PNPLA7: variants seen among roughly 807,000 people sequenced by gnomAD.
The protein encoded by PNPLA7 is patatin like domain 7, lysophospholipase.
A neutral mutation model predicts 161.7 loss-of-function variants in PNPLA7; 153 were observed. The observed-to-expected ratio is 0.95, with a 90% CI of 0.83 to 1.08. The LOEUF is 1.08. Ranked by LOEUF, PNPLA7 falls within the 50% of genes least tolerant of loss-of-function variation. The pLI is 0.00. For missense variants in PNPLA7, 1,739 were observed against 1,856.6 expected (o/e 0.94, Z 1.16); for synonymous variants, 809 against 782.1 (o/e 1.03, Z -0.57).
intron 20 of PNPLA7, among the ~76,000 whole-genome samples, chr9:137,485,420 T>C (rs909748970): frequency 2.0e-5 from 3 of 151,580 alleles, no homozygotes; most frequent in African/African-American, 7.3e-5. Context: ...TGAGGCCTCA[T>C]CGGAGTAAAC....
intron 14 of PNPLA7, among the ~76,000 whole-genome samples, chr9:137,504,641 G>T (rs1043565667): frequency 6.6e-6 from 1 of 152,196 alleles, no homozygotes; most frequent in Non-Finnish European, 1.5e-5. Flanking sequence ...CACGCTGGGT[G>T]GGTGAGCAAT....
At chr9:137,535,040 A>G (rs1835811968) in intron 8 of PNPLA7, among the ~76,000 whole-genome samples, 1 of 152,268 alleles carries the variant, frequency 6.6e-6, no homozygotes, top group African/African-American at 2.4e-5. Flanking sequence ...GAGTAGCTGC[A>G]AGAGAGACCA....
At chr9:137,545,870 A>G (rs183112324) in intron 4 of PNPLA7, among the ~76,000 whole-genome samples, 86 of 150,718 alleles carry the variant, frequency 5.7e-4, no homozygotes, top group East Asian at 3.1e-3. Context: ...GCGGACCGTG[A>G]TCTAGCGGTA....
chr9:137,514,576 C>T (rs376516773), intron 12 of PNPLA7, among the ~76,000 whole-genome samples: 162 of 64,994 alleles, frequency 2.5e-3, no homozygotes, highest in Middle Eastern at 0.018. Flanking sequence ...GCCCTGTGGC[C>T]GGGCTGTGGG....
rs1198520597 is a variant in PNPLA7 at position 137,515,378 on chromosome 9, C to T, written c.1225+1G>A. 2 of 1,600,964 alleles carry T rather than the reference C, an allele frequency of 1.2e-6. No individual in the cohort carries two copies. The highest frequency in any genetic ancestry group is 1.7e-6 in the Non-Finnish European group (2 of 1,174,972). Reference sequence around the variant, plus strand: ...GCTGGGCAGCCGTCGAGGTTCTTTACCTTGTGGGGCCGAAGGGTCAGGGTC... The same window carrying T: ...GCTGGGCAGCCGTCGAGGTTCTTTATCTTGTGGGGCCGAAGGGTCAGGGTC... On this transcript the variant is annotated splice_donor_variant, in intron 12 of 34. Coordinates refer to ENST00000406427, the MANE Select transcript of PNPLA7 (RefSeq NM_001098537.3). LOFTEE classifies it high-confidence loss of function.
rs1412244171 is a variant in PNPLA7 at position 137,546,887 on chromosome 9, C to T, written c.216G>A (p.Gln72=). ...RQFRQAQPTP[Q]YRFRKRDKVM... Reference sequence around the variant, plus strand: ...CTTTGTCTCTCTTCCGGAACCGGTACTGAGGAGTGGGCTGTGCTTGTCCTG... The same window carrying T: ...CTTTGTCTCTCTTCCGGAACCGGTATTGAGGAGTGGGCTGTGCTTGTCCTG... Residue 72 remains glutamine, a synonymous_variant, in exon 4 of 35, where the codon CAG becomes CAA. Transcript: ENST00000406427. The T allele has an allele frequency of 1.2e-6, 2 of 1,613,824 alleles. No homozygotes were observed. The highest frequency in any genetic ancestry group is 1.7e-6 in the Non-Finnish European group (2 of 1,180,006).
intron 26 of PNPLA7, among the ~76,000 whole-genome samples, chr9:137,465,238 G>C (rs967651447): frequency 7.2e-5 from 11 of 152,184 alleles, no homozygotes; most frequent in African/African-American, 2.4e-4. Context: ...CCCCTGCCCA[G>C]TACCAGAGGG....
chr9:137,461,212 C>A, intron 33 of PNPLA7: 1 of 363,548 alleles, frequency 2.8e-6, no homozygotes, highest in Non-Finnish European at 5.1e-6. Flanking sequence ...TGCGGCCCCT[C>A]CAACAAGCAG....
intron 8 of PNPLA7, among the ~76,000 whole-genome samples, chr9:137,533,573 C>A: frequency 6.8e-6 from 1 of 147,522 alleles, no homozygotes; most frequent in East Asian, 2.1e-4. Flanking sequence ...CCACTCCAGG[C>A]GGGAGGACTC....
chr9:137,468,062 G>C lies in PNPLA7; in HGVS notation c.2883-589C>G, dbSNP rs1328374164. On this transcript the variant is annotated intron_variant, in intron 25 of 34. Coordinates refer to ENST00000406427, the MANE Select transcript of PNPLA7 (RefSeq NM_001098537.3). This position sits in a 1 kb window ranked among gnomAD's most constrained non-coding sequence, Gnocchi z 4.0. The stretch of plus-strand genomic sequence containing the variant: ...GCCTCCAGCAGGGCGTCTGAGAGGT[G>C]GTGGGAAAACTGGACTTGAGGGGCC... Among the ~76,000 whole-genome samples the C allele has an allele frequency of 6.6e-6, 1 of 152,052 alleles. No individual in the cohort carries two copies. Among genetic ancestry groups the C allele is most frequent in the Non-Finnish European group, 1.5e-5 (1 of 67,994 alleles).
intron 11 of PNPLA7, among the ~76,000 whole-genome samples, chr9:137,519,424 G>A (rs2243651): frequency 9.2e-5 from 14 of 152,204 alleles, no homozygotes; most frequent in African/African-American, 3.4e-4. Context: ...AGAATTCTGG[G>A]AACAACTGAA....
chr9:137,484,778 G>A (rs377293279), intron 20 of PNPLA7, 42 bp from the exon 21 acceptor site: 16 of 1,540,790 alleles, frequency 1.0e-5, no homozygotes, highest in African/African-American at 8.2e-5. Flanking sequence ...CAGCCCACAC[G>A]CTCACAGATG....
intron 17 of PNPLA7, 137 bp downstream of exon 17, chr9:137,497,977 G>T: frequency 7.3e-7 from 1 of 1,376,326 alleles, no homozygotes; most frequent in South Asian, 1.4e-5. Context: ...GGTGGGGCTG[G>T]GGAAATCCAG....
At position 137,490,648 on chromosome 9, in the gene PNPLA7, C is replaced by T. The variant is rs1212493840; in HGVS notation, c.2197+2365G>A. 6.6e-6 allele frequency among the ~76,000 whole-genome samples: 1 copy of T among 152,192 alleles called. No homozygotes were observed. Among genetic ancestry groups the T allele is most frequent in the Non-Finnish European group, 1.5e-5 (1 of 68,040 alleles). ...AGCAAGCGGATCTGCAGCCATCAGACCTTCTCTGAAAGAACCGCTAACCAC... is the reference window on the plus strand; with the variant it reads ...AGCAAGCGGATCTGCAGCCATCAGATCTTCTCTGAAAGAACCGCTAACCAC... On this transcript the variant is annotated intron_variant, in intron 20 of 34. Transcript: ENST00000406427. This position sits in a 1 kb window ranked among gnomAD's most constrained non-coding sequence, Gnocchi z 4.1.
chr9:137,547,278 C>G lies in PNPLA7; in HGVS notation c.193+31G>C, dbSNP rs569527584. The G allele has an allele frequency of 5.6e-6, 9 of 1,605,972 alleles. No individual in the cohort carries two copies. Among genetic ancestry groups the G allele is most frequent in the Non-Finnish European group, 7.7e-6 (9 of 1,173,442 alleles). ...AGACACCCACGCTTTCCCCCAACCCCCCGGGCCAGAGTCGGAACCAAGATA... is the reference window on the plus strand; with the variant it reads ...AGACACCCACGCTTTCCCCCAACCCGCCGGGCCAGAGTCGGAACCAAGATA... On this transcript the variant is annotated intron_variant, in intron 3 of 34. Coordinates refer to ENST00000406427, the MANE Select transcript of PNPLA7 (RefSeq NM_001098537.3). The surrounding 1 kb of genome is among the most constrained non-coding windows in gnomAD (Gnocchi z 4.6).
At chr9:137,471,404 G>C (rs138721837) in intron 25 of PNPLA7, among the ~76,000 whole-genome samples, 4,442 of 152,164 alleles carry the variant, frequency 0.029, 109 homozygotes, top group Middle Eastern at 0.078. Flanking sequence ...TTCAAGACCA[G>C]CCTGGCCAAG....
Position 137,490,149 on chromosome 9 carries a change from G to A in PNPLA7, c.2197+2864C>T, listed in dbSNP as rs1588584670. Among the ~76,000 whole-genome samples, 2 of 152,176 alleles carry A rather than the reference G, an allele frequency of 1.3e-5. No individual in the cohort carries two copies. The highest frequency in any genetic ancestry group is 1.9e-4 in the East Asian group (1 of 5,200). On this transcript the variant is annotated intron_variant, in intron 20 of 34. Transcript: ENST00000406427. The surrounding 1 kb of genome is among the most constrained non-coding windows in gnomAD (Gnocchi z 4.1). ...TGCTCTGTTGACCAGGCTGGACTGC[G>A]GTGGCGCGATCATAGCTCACTGTAA...
rs1370762363 is a variant in PNPLA7, at chr9:137,503,871, G to A, written c.1473+1743C>T. Among the ~76,000 whole-genome samples, 10 of 26,864 alleles carry A rather than the reference G, an allele frequency of 3.7e-4. 1 individual carries two copies. The highest frequency in any genetic ancestry group is 5.3e-4 in the Non-Finnish European group (7 of 13,230). The allele number at this position is 26,864 out of a possible 152,430, so 17.6% of individuals were successfully genotyped here. A position where few individuals can be genotyped will look rare whatever the true frequency, so the allele number is the denominator to read the frequency against. ...AAGGAAGAAGAAGAAGGAGGAGGAA[G>A]GAAGAAGAAAGAAGAAGGAAGAAGA... On this transcript the variant is annotated intron_variant, in intron 14 of 34. Coordinates refer to ENST00000406427, the MANE Select transcript of PNPLA7 (RefSeq NM_001098537.3).
chr9:137,547,764 C>G lies in PNPLA7; in HGVS notation c.31-105G>C. 9.3e-7 allele frequency: 1 copy of G among 1,075,674 alleles called. No individual in the cohort carries two copies. The highest frequency in any genetic ancestry group is 1.4e-6 in the Non-Finnish European group (1 of 699,922). The allele number at this position is 1,075,674 out of a possible 1,614,324, so 66.6% of individuals were successfully genotyped here. A position where few individuals can be genotyped will look rare whatever the true frequency, so the allele number is the denominator to read the frequency against. ...TGGGAGTTAGGGGAGAAGTCAGCAGCCCTGGAGACTTCTGGGAAGAAGTGA... is the reference window on the plus strand; with the variant it reads ...TGGGAGTTAGGGGAGAAGTCAGCAGGCCTGGAGACTTCTGGGAAGAAGTGA... On this transcript the variant is annotated intron_variant, in intron 1 of 34. Coordinates refer to ENST00000406427, the MANE Select transcript of PNPLA7 (RefSeq NM_001098537.3). This position sits in a 1 kb window ranked among gnomAD's most constrained non-coding sequence, Gnocchi z 4.6.
Sources: allele counts gnomAD v4.1 joint callset (sites outside exome capture counted in the v4.1 genomes callset), GRCh38; gene constraint gnomAD v4.1.1; non-coding constraint Gnocchi (gnomAD v3.1); transcripts MANE v1.5; gene names NCBI Gene and HGNC (gene_info 2026-07-23, HGNC 2026-07-21).